The following PARD3 variants were observed in gnomAD, a reference collection of about 807,000 sequenced individuals.
PARD3 encodes the protein partitioning defective 3 homolog.
Under a neutral mutation model 155.4 loss-of-function variants are expected in PARD3, and 75 were observed. The ratio of observed to expected loss-of-function variants is 0.48; its 90% CI spans 0.40 to 0.58. PARD3 has a LOEUF of 0.58. Among genes scored for constraint, PARD3 ranks in the 20% least tolerant of loss-of-function variants. The probability of loss-of-function intolerance (pLI) is 0.00; values close to 1 mark genes in which losing one functional copy is unlikely to be tolerated. For synonymous variants in PARD3, 576 were observed against 610.5 expected, an observed-to-expected ratio of 0.94 and a Z score of 0.83; for missense variants, 1,642 against 1,721.7, an observed-to-expected ratio of 0.95 and a Z score of 0.82.
chr10:34,779,657 A>G (rs370335162), intron 1 of PARD3, among the ~76,000 whole-genome samples: 1 of 152,166 alleles, frequency 6.6e-6, no homozygotes, highest in Non-Finnish European at 1.5e-5. Flanking sequence ...TGCAGATATC[A>G]CCAGCTTTTA....
intron 2 of PARD3, among the ~76,000 whole-genome samples, chr10:34,560,898 C>A (rs767832632): frequency 1.3e-5 from 2 of 152,162 alleles, no homozygotes; most frequent in African/African-American, 2.4e-5. Context: ...CATTTCCATG[C>A]AAAAATGTCA....
intron 23 of PARD3, among the ~76,000 whole-genome samples, chr10:34,123,889 A>G (rs1947138273): frequency 1.3e-5 from 2 of 152,248 alleles, no homozygotes; most frequent in African/African-American, 2.4e-5. Context: ...ACAAAGTTTC[A>G]GTACTAATTA....
At chr10:34,667,083 G>A (rs923805114) in intron 2 of PARD3, among the ~76,000 whole-genome samples, 7 of 152,002 alleles carry the variant, frequency 4.6e-5, no homozygotes, top group African/African-American at 1.5e-4. Flanking sequence ...CAGGAGAATC[G>A]CTTGAACACG....
At chr10:34,281,702 A>G (rs1285221278) in intron 21 of PARD3, among the ~76,000 whole-genome samples, 1 of 152,142 alleles carries the variant, frequency 6.6e-6, no homozygotes, top group Non-Finnish European at 1.5e-5. Context: ...AAACATTTAA[A>G]ATTATATTCA....
At chr10:34,146,122 C>T (rs1204574646) in intron 22 of PARD3, among the ~76,000 whole-genome samples, 1 of 152,136 alleles carries the variant, frequency 6.6e-6, no homozygotes, top group East Asian at 1.9e-4. Flanking sequence ...ATTTCTATAT[C>T]TCATTCTGTT....
At chr10:34,373,999 C>A (rs10763988) in intron 11 of PARD3, among the ~76,000 whole-genome samples, 88,949 of 151,368 alleles carry the variant, frequency 0.59, 27,850 homozygotes, top group African/African-American at 0.83. Context: ...TTTTGTTTAG[C>A]ACTAAGAGCT....
At chr10:34,346,507 C>G (rs1399047770) in intron 15 of PARD3, 2 of 1,328,600 alleles carry the variant, frequency 1.5e-6, no homozygotes, top group Admixed American at 4.3e-5. Flanking sequence ...TCTAGGGACA[C>G]ATGCACACTC....
chr10:34,463,430 G>A (rs989946024), intron 4 of PARD3, among the ~76,000 whole-genome samples: 1 of 151,922 alleles, frequency 6.6e-6, no homozygotes, highest in Non-Finnish European at 1.5e-5. Flanking sequence ...TGAAAGGAAT[G>A]AAGGAACACA....
chr10:34,615,425 T>C (rs562701106), intron 2 of PARD3, among the ~76,000 whole-genome samples: 3 of 152,286 alleles, frequency 2.0e-5, no homozygotes, highest in South Asian at 2.1e-4. Flanking sequence ...AGAGTGGAAG[T>C]AGACCCCTAT....
chr10:34,668,877 A>G (rs1028490956), intron 2 of PARD3, among the ~76,000 whole-genome samples: 1 of 152,198 alleles, frequency 6.6e-6, no homozygotes, highest in Admixed American at 6.5e-5. Context: ...ACCTTCTCAA[A>G]GCAAAGATAG....
intron 22 of PARD3, among the ~76,000 whole-genome samples, chr10:34,197,025 T>C (rs920323362): frequency 1.3e-5 from 2 of 152,126 alleles, no homozygotes; most frequent in Non-Finnish European, 2.9e-5. Flanking sequence ...CAGGGAGGCA[T>C]TATGCTTTGC....
chr10:34,139,005 T>C (rs935431184), intron 22 of PARD3, among the ~76,000 whole-genome samples: 2 of 152,106 alleles, frequency 1.3e-5, no homozygotes, highest in African/African-American at 2.4e-5. Flanking sequence ...GATACATTTC[T>C]ATCACTCAGA....
At chr10:34,520,971 T>C (rs1188169518) in intron 2 of PARD3, among the ~76,000 whole-genome samples, 1 of 152,214 alleles carries the variant, frequency 6.6e-6, no homozygotes, top group Non-Finnish European at 1.5e-5. Context: ...ATTTTGAAGA[T>C]ATTAAGTTTT....
At chr10:34,211,241 T>G (rs1035395007) in intron 22 of PARD3, among the ~76,000 whole-genome samples, 1 of 152,132 alleles carries the variant, frequency 6.6e-6, no homozygotes, top group Non-Finnish European at 1.5e-5. Flanking sequence ...TCGTAAAGAT[T>G]AGAAGGGGGC....
intron 5 of PARD3, among the ~76,000 whole-genome samples, chr10:34,415,139 G>A (rs541864985): frequency 6.6e-6 from 1 of 152,282 alleles, no homozygotes; most frequent in African/African-American, 2.4e-5. Flanking sequence ...AGAGAGCCAG[G>A]AGCGTGCTAA....
intron 1 of PARD3, among the ~76,000 whole-genome samples, chr10:34,698,853 C>G (rs1453596053): frequency 1.3e-5 from 2 of 152,208 alleles, no homozygotes; most frequent in African/African-American, 2.4e-5. Flanking sequence ...GGTTATTATA[C>G]CAATTCTTTG....
intron 1 of PARD3, among the ~76,000 whole-genome samples, chr10:34,785,116 A>G (rs544414557): frequency 6.6e-6 from 1 of 152,376 alleles, no homozygotes; most frequent in Admixed American, 6.5e-5. Flanking sequence ...AAAGAGTTCT[A>G]AGGACGATTA....
intron 5 of PARD3, among the ~76,000 whole-genome samples, chr10:34,411,050 G>C (rs1484000533): frequency 4.6e-5 from 7 of 152,176 alleles, no homozygotes; most frequent in Non-Finnish European, 1.0e-4. Context: ...CAGGTCTTCT[G>C]TCAGCAACCA....
intron 2 of PARD3, among the ~76,000 whole-genome samples, chr10:34,689,365 T>G (rs888891863): frequency 6.6e-6 from 1 of 152,206 alleles, no homozygotes; most frequent in African/African-American, 2.4e-5. Context: ...AAACTAGGTG[T>G]TGTGAGTCTA....
Sources: allele counts gnomAD v4.1 joint callset (sites outside exome capture counted in the v4.1 genomes callset), GRCh38; gene constraint gnomAD v4.1.1; transcripts MANE v1.5; gene names NCBI Gene and HGNC (gene_info 2026-07-23, HGNC 2026-07-21).